Variants in GPHN observed in about 807,000 individuals in gnomAD.
The protein encoded by GPHN is gephyrin.
In GPHN, 17 loss-of-function variants were observed where a neutral mutation model predicts 95.5. The observed-to-expected ratio is 0.18, with a 90% CI of 0.12 to 0.27. The LOEUF (loss-of-function observed/expected upper bound fraction) is 0.27. GPHN is among the 10% of genes least tolerant of loss of function. GPHN has a pLI of 1.00. For synonymous variants in GPHN, 320 were observed against 322.5 expected (o/e 0.99, Z 0.08); for missense variants, 660 against 978.1 (o/e 0.67, Z 4.34).
the GPHN span, chr14:67,332,692 G>A: frequency 3.0e-6 from 4 of 1,321,296 alleles, no homozygotes; most frequent in Non-Finnish European, 2.1e-6. Context: ...TATGAAGGTC[G>A]CTCCTTGTTC....
chr14:67,348,992 C>A, the GPHN span: 1 of 1,563,374 alleles, frequency 6.4e-7, no homozygotes, highest in South Asian at 1.1e-5. Context: ...TTTAAAATGT[C>A]ACCTCTTTTC....
chr14:66,511,515 AT>A (rs1194039724), intron 1 of GPHN, among the ~76,000 whole-genome samples: 2 of 152,080 alleles, frequency 1.3e-5, no homozygotes, highest in African/African-American at 4.8e-5. Context: ...GTTACTTAGT[AT>A]TTTGTGAAGT....
intron 1 of GPHN, among the ~76,000 whole-genome samples, chr14:66,621,020 A>G (rs1025933938): frequency 3.9e-5 from 6 of 152,078 alleles, no homozygotes; most frequent in African/African-American, 1.2e-4. Flanking sequence ...GCTGGAGTGC[A>G]CTGGCGTGAT....
chr14:67,055,104 A>G (rs2075496581), intron 10 of GPHN, among the ~76,000 whole-genome samples: 1 of 152,232 alleles, frequency 6.6e-6, no homozygotes, highest in Non-Finnish European at 1.5e-5. Context: ...ATGAGATCTA[A>G]TTAAAGAGCT....
the GPHN span, among the ~76,000 whole-genome samples, chr14:67,437,216 C>G: frequency 6.6e-6 from 1 of 152,200 alleles, no homozygotes; most frequent in South Asian, 2.1e-4. Context: ...CAATCATGAA[C>G]AGACAGACAT....
chr14:67,187,427 C>G, the GPHN span, among the ~76,000 whole-genome samples: 1 of 152,118 alleles, frequency 6.6e-6, no homozygotes, highest in Non-Finnish European at 1.5e-5. Flanking sequence ...TTTGTGGACT[C>G]TACTGATAGT....
chr14:67,571,728 G>A, the GPHN span: 4 of 1,605,000 alleles, frequency 2.5e-6, no homozygotes, highest in South Asian at 1.1e-5. Context: ...CTGAGCTGCA[G>A]TGAGGGAGGG....
chr14:66,911,100 A>C (rs867241380), intron 5 of GPHN, among the ~76,000 whole-genome samples: 6 of 152,034 alleles, frequency 3.9e-5, no homozygotes, highest in African/African-American at 1.4e-4. Flanking sequence ...TTTTTAAGTG[A>C]ATGATTTATA....
At chr14:66,993,650 C>T (rs1594757587) in intron 9 of GPHN, among the ~76,000 whole-genome samples, 2 of 152,040 alleles carry the variant, frequency 1.3e-5, no homozygotes, top group Non-Finnish European at 2.9e-5. Flanking sequence ...GTATTTGAAT[C>T]GAATCAGCTA....
chr14:67,502,237 A>G, the GPHN span, among the ~76,000 whole-genome samples: 2 of 151,954 alleles, frequency 1.3e-5, no homozygotes, highest in Non-Finnish European at 2.9e-5. Flanking sequence ...AGGCTGAGGC[A>G]GGAGAATCAC....
At chr14:67,236,383 T>G in the GPHN span, among the ~76,000 whole-genome samples, 1 of 152,138 alleles carries the variant, frequency 6.6e-6, no homozygotes, top group Admixed American at 6.5e-5. Context: ...ACCTTTTCTT[T>G]CTTTGAGTCT....
intron 1 of GPHN, among the ~76,000 whole-genome samples, chr14:66,561,558 G>A (rs2060245852): frequency 6.6e-6 from 1 of 152,128 alleles, no homozygotes; most frequent in Admixed American, 6.6e-5. Flanking sequence ...GTGCCCAGAT[G>A]TTGAAGAAAT....
At chr14:67,315,164 A>G in the GPHN span, among the ~76,000 whole-genome samples, 2,452 of 152,262 alleles carry the variant, frequency 0.016, 30 homozygotes, top group Middle Eastern at 0.092. Flanking sequence ...TCATACTACA[A>G]AAAGTGCCAC....
chr14:67,577,977 C>G, the GPHN span: 2 of 1,573,566 alleles, frequency 1.3e-6, no homozygotes, highest in East Asian at 4.5e-5. Flanking sequence ...GTTCTCTGAA[C>G]CCAGGGGATG....
At chr14:67,103,686 G>A (rs891902416) in intron 13 of GPHN, among the ~76,000 whole-genome samples, 1 of 150,578 alleles carries the variant, frequency 6.6e-6, no homozygotes, top group Non-Finnish European at 1.5e-5. Flanking sequence ...GTTTGTTCTT[G>A]GTGTGTAGAA....
At chr14:67,188,991 T>C in the GPHN span, among the ~76,000 whole-genome samples, 11 of 152,220 alleles carry the variant, frequency 7.2e-5, no homozygotes, top group African/African-American at 2.4e-4. Flanking sequence ...GCGCCCGGCC[T>C]CAGCTCTGTT....
At chr14:66,760,253 A>C (rs1250522344) in intron 2 of GPHN, among the ~76,000 whole-genome samples, 5 of 152,238 alleles carry the variant, frequency 3.3e-5, no homozygotes, top group Non-Finnish European at 5.9e-5. Context: ...GAAAGAACAA[A>C]AGTGTTTAGA....
rs554522464 is a variant in GPHN, at chr14:66,855,597, C to G, written c.295-24342C>G. ...TAGTGCTGTTGTGAACATTGGCAAA[C>G]AAGTATATGTTCAAGTTCTTGCTTT... On this transcript the variant is annotated intron_variant, in intron 4 of 22. Coordinates refer to ENST00000478722, the MANE Select transcript of GPHN (RefSeq NM_020806.5). Among the ~76,000 whole-genome samples, 9 of 152,220 alleles carry G rather than the reference C, an allele frequency of 5.9e-5. No homozygotes were observed. The East Asian group carries it at 1.7e-3, about 29-fold the overall frequency.
chr14:66,929,124 C>T (rs1456603322), intron 8 of GPHN, among the ~76,000 whole-genome samples: 1 of 149,234 alleles, frequency 6.7e-6, no homozygotes, highest in Non-Finnish European at 1.5e-5. Context: ...GGGGCATTCT[C>T]AGCTCACTGC....
Sources: gnomAD v4.1 joint callset for allele counts (sites outside exome capture counted in the v4.1 genomes callset) on GRCh38, gnomAD v4.1.1 for gene constraint, MANE v1.5 for transcripts, NCBI Gene and HGNC (gene_info 2026-07-23, HGNC 2026-07-21) for gene names.